Variants in KCNU1 observed in about 807,000 individuals in gnomAD.
The protein encoded by KCNU1 is potassium channel subfamily U member 1.
A neutral mutation model predicts 126.8 loss-of-function variants in KCNU1; 93 were observed. The ratio of observed to expected loss-of-function variants is 0.73; its 90% CI spans 0.62 to 0.87. The LOEUF is 0.87. KCNU1 is among the 40% of genes least tolerant of loss of function. The pLI is 0.00. For missense variants in KCNU1, 1,330 were observed against 1,367.1 expected, an observed-to-expected ratio of 0.97 and a Z score of 0.43; for synonymous variants, 523 against 494.2, an observed-to-expected ratio of 1.06 and a Z score of -0.77.
intron 20 of KCNU1, among the ~76,000 whole-genome samples, chr8:36,906,619 T>G (rs1563328262): frequency 1.3e-5 from 2 of 152,198 alleles, no homozygotes; most frequent in African/African-American, 4.8e-5. Context: ...TATGACTAAT[T>G]GATACTTATA....
At chr8:36,886,672 G>A (rs1806716838) in intron 19 of KCNU1, among the ~76,000 whole-genome samples, 1 of 152,006 alleles carries the variant, frequency 6.6e-6, no homozygotes, top group South Asian at 2.1e-4. Context: ...TCAGCTTTAG[G>A]GGTACAAGTG....
chr8:36,859,676 A>G (rs997805554), intron 18 of KCNU1, among the ~76,000 whole-genome samples: 7 of 152,174 alleles, frequency 4.6e-5, no homozygotes, highest in South Asian at 2.1e-4. Flanking sequence ...AGGTTCTCCA[A>G]TTAAATTCAT....
chr8:36,913,228 A>C (rs1433873648), intron 22 of KCNU1, among the ~76,000 whole-genome samples: 2 of 152,096 alleles, frequency 1.3e-5, no homozygotes, highest in African/African-American at 4.8e-5. Context: ...TTTTTATGAT[A>C]TGTTGGGTAC....
At chr8:36,905,314 C>T (rs1182097975) in intron 19 of KCNU1, among the ~76,000 whole-genome samples, 1 of 152,026 alleles carries the variant, frequency 6.6e-6, no homozygotes, top group African/African-American at 2.4e-5. Context: ...GAAATATCAC[C>T]CATGATTGAA....
chr8:36,796,090 C>T (rs193056938), intron 2 of KCNU1, among the ~76,000 whole-genome samples: 9 of 152,284 alleles, frequency 5.9e-5, no homozygotes, highest in Non-Finnish European at 1.3e-4. Flanking sequence ...TTTATTGATG[C>T]ATAATTCATC....
chr8:36,900,722 C>G (rs1241951724), intron 19 of KCNU1, among the ~76,000 whole-genome samples: 2 of 151,982 alleles, frequency 1.3e-5, no homozygotes, highest in African/African-American at 4.8e-5. Context: ...ATCTCAGAAC[C>G]ATCAAAGGCA....
chr8:36,820,898 C>T (rs1212337381), intron 10 of KCNU1, among the ~76,000 whole-genome samples: 1 of 152,168 alleles, frequency 6.6e-6, no homozygotes, highest in Non-Finnish European at 1.5e-5. Context: ...AGACATTCTT[C>T]TCGGAAGCCT....
chr8:36,826,417 C>T (rs1293345278), intron 10 of KCNU1, among the ~76,000 whole-genome samples: 3 of 151,962 alleles, frequency 2.0e-5, no homozygotes, highest in African/African-American at 7.2e-5. Flanking sequence ...ACCATGTTGG[C>T]CAGGCTGGTC....
chr8:36,845,678 A>T lies in KCNU1; in HGVS notation c.1793+9A>T, dbSNP rs1346354962. On this transcript the variant is annotated intron_variant, in intron 17 of 26. Coordinates refer to ENST00000399881, the MANE Select transcript of KCNU1 (RefSeq NM_001031836.3). ...CCAAAGGACGTCAGAAGGTAATTTT[A>T]TTATTTTATGGGGGAAAAGCACTAA... The T allele has an allele frequency of 1.9e-6, 3 of 1,582,420 alleles. No homozygotes were observed. Among genetic ancestry groups the T allele is most frequent in the Non-Finnish European group, 2.6e-6 (3 of 1,151,422 alleles).
chr8:36,897,591 T>C (rs1055052486), intron 19 of KCNU1, among the ~76,000 whole-genome samples: 2 of 152,060 alleles, frequency 1.3e-5, no homozygotes, highest in South Asian at 2.1e-4. Context: ...AATATCCTCC[T>C]TCTTACCCCT....
At chr8:36,884,166 A>C (rs900298551) in intron 19 of KCNU1, among the ~76,000 whole-genome samples, 2 of 151,878 alleles carry the variant, frequency 1.3e-5, no homozygotes, top group African/African-American at 4.9e-5. Context: ...GTTCTGATAG[A>C]ATAAGGATAA....
intron 22 of KCNU1, among the ~76,000 whole-genome samples, chr8:36,918,282 CTG>C (rs1808197239): frequency 6.6e-6 from 1 of 152,078 alleles, no homozygotes; most frequent in South Asian, 2.1e-4. Context: ...TGGCTCATAG[CTG>C]TAATCCCAGC....
chr8:36,839,364 T>C (rs1013407953), intron 14 of KCNU1, among the ~76,000 whole-genome samples: 17 of 152,240 alleles, frequency 1.1e-4, no homozygotes, highest in African/African-American at 4.1e-4. Flanking sequence ...GCTATCATTT[T>C]TTACCTTCTT....
chr8:36,927,934 G>A (rs370203253), intron 24 of KCNU1, among the ~76,000 whole-genome samples: 3 of 150,372 alleles, frequency 2.0e-5, no homozygotes, highest in East Asian at 4.0e-4. Context: ...GAGAACTAGA[G>A]GGAGGGAGGG....
chr8:36,893,504 G>C (rs771512713), intron 19 of KCNU1, among the ~76,000 whole-genome samples: 1 of 151,922 alleles, frequency 6.6e-6, no homozygotes, highest in Non-Finnish European at 1.5e-5. Flanking sequence ...AGCTCAAATA[G>C]TAACATATTC....
chr8:36,919,080 G>A (rs981771967), intron 23 of KCNU1, among the ~76,000 whole-genome samples, 183 bp downstream of exon 23: 1 of 152,118 alleles, frequency 6.6e-6, no homozygotes, highest in Non-Finnish European at 1.5e-5. Context: ...CGGTATATCT[G>A]GTGTCAGGGT....
At chr8:36,820,939 G>T (rs1304021149) in intron 10 of KCNU1, among the ~76,000 whole-genome samples, 2 of 152,182 alleles carry the variant, frequency 1.3e-5, no homozygotes, top group South Asian at 2.1e-4. Context: ...AGATCTGTCT[G>T]CAAGGAATCA....
At chr8:36,861,859 G>C (rs375676201) in intron 18 of KCNU1, among the ~76,000 whole-genome samples, 3 of 152,268 alleles carry the variant, frequency 2.0e-5, no homozygotes, top group East Asian at 3.9e-4. Context: ...TTCCAGAAAA[G>C]GAAAGATTTG....
At chr8:36,927,434 T>C (rs1226077610) in intron 24 of KCNU1, among the ~76,000 whole-genome samples, 1 of 152,018 alleles carries the variant, frequency 6.6e-6, no homozygotes, top group Non-Finnish European at 1.5e-5. Context: ...ATATGCAGGG[T>C]TCCTATCTGG....
Sources: allele counts gnomAD v4.1 joint callset (sites outside exome capture counted in the v4.1 genomes callset), GRCh38; gene constraint gnomAD v4.1.1; transcripts MANE v1.5; gene names NCBI Gene and HGNC (gene_info 2026-07-23, HGNC 2026-07-21).